Variants in TSHZ2 observed in about 807,000 individuals in gnomAD.
TSHZ2 encodes the protein teashirt zinc finger homeobox 2.
In TSHZ2, 21 loss-of-function variants were observed where a neutral mutation model predicts 74.4. That is an observed-to-expected ratio of 0.28 (90% CI 0.20 to 0.41). TSHZ2 has a LOEUF of 0.41. Among genes scored for constraint, TSHZ2 ranks in the 10% least tolerant of loss-of-function variants. TSHZ2 has a pLI of 1.00. For synonymous variants in TSHZ2, 540 were observed against 515.3 expected, an observed-to-expected ratio of 1.05 and a Z score of -0.65; for missense variants, 1,244 against 1,293.5, an observed-to-expected ratio of 0.96 and a Z score of 0.59.
chr20:53,116,891 T>A (rs112221651), intron 1 of TSHZ2, among the ~76,000 whole-genome samples: 86 of 152,242 alleles, frequency 5.6e-4, no homozygotes, highest in African/African-American at 2.0e-3. Flanking sequence ...AACCAACACT[T>A]GAGCAAGTTT....
chr20:53,188,599 C>A (rs948627767), intron 1 of TSHZ2, among the ~76,000 whole-genome samples: 2 of 152,110 alleles, frequency 1.3e-5, no homozygotes, highest in Non-Finnish European at 1.5e-5. Flanking sequence ...GAATAAATGT[C>A]CACAAGCCTT....
chr20:53,111,872 G>A (rs898724488), intron 1 of TSHZ2, among the ~76,000 whole-genome samples: 14 of 150,282 alleles, frequency 9.3e-5, no homozygotes, highest in African/African-American at 3.2e-4. Flanking sequence ...ACCTGATGCA[G>A]AGCTTACAAT....
intron 1 of TSHZ2, among the ~76,000 whole-genome samples, chr20:53,105,178 C>T (rs949793159): frequency 6.6e-6 from 1 of 152,206 alleles, no homozygotes; most frequent in African/African-American, 2.4e-5. Flanking sequence ...GCCCCAGACC[C>T]GGAACTCATT....
intron 1 of TSHZ2, among the ~76,000 whole-genome samples, chr20:53,229,416 G>A (rs1359274470): frequency 6.6e-6 from 1 of 152,026 alleles, no homozygotes; most frequent in Non-Finnish European, 1.5e-5. Flanking sequence ...ATCAACAATT[G>A]GCCCTCTGTC....
intron 2 of TSHZ2, among the ~76,000 whole-genome samples, chr20:53,352,777 CAAAAA>C (rs869247919): frequency 1.5e-5 from 1 of 65,626 alleles, no homozygotes; most frequent in Admixed American, 1.6e-4. Flanking sequence ...CTGTCTCAAA[CAAAAA>C]AAAAAAAAAA....
At chr20:53,234,668 C>T (rs1363598858) in intron 1 of TSHZ2, among the ~76,000 whole-genome samples, 1 of 152,116 alleles carries the variant, frequency 6.6e-6, no homozygotes, top group East Asian at 1.9e-4. Flanking sequence ...AGGAAAAGTG[C>T]AGAGACAGCA....
chr20:53,311,264 C>T (rs971353180), intron 2 of TSHZ2, among the ~76,000 whole-genome samples: 5 of 152,166 alleles, frequency 3.3e-5, no homozygotes, highest in Non-Finnish European at 1.5e-5. Flanking sequence ...TGTACATTAC[C>T]TTGAACTGTA....
intron 1 of TSHZ2, among the ~76,000 whole-genome samples, chr20:52,994,416 AGATG>A (rs140731085): frequency 0.02 from 2,966 of 150,080 alleles, 89 homozygotes; most frequent in African/African-American, 0.067. Context: ...ATGGATGAGT[AGATG>A]GATGGATGGA....
chr20:53,410,137 G>T (rs1284899870), intron 2 of TSHZ2, among the ~76,000 whole-genome samples: 1 of 152,048 alleles, frequency 6.6e-6, no homozygotes, highest in African/African-American at 2.4e-5. Flanking sequence ...GTAAGCCACC[G>T]TGCCTGGTTT....
At chr20:53,050,258 G>C (rs1984413821) in intron 1 of TSHZ2, among the ~76,000 whole-genome samples, 1 of 150,050 alleles carries the variant, frequency 6.7e-6, no homozygotes, top group African/African-American at 2.5e-5. Context: ...TTTTGTGATT[G>C]GTATATTTAG....
chr20:53,252,346 A>G (rs1223034016), intron 1 of TSHZ2, among the ~76,000 whole-genome samples: 2 of 152,206 alleles, frequency 1.3e-5, no homozygotes, highest in African/African-American at 2.4e-5. Flanking sequence ...TGCCACAGAG[A>G]GAGGAGACAG....
At chr20:52,978,018 A>C (rs888565399) in intron 1 of TSHZ2, among the ~76,000 whole-genome samples, 1 of 152,224 alleles carries the variant, frequency 6.6e-6, no homozygotes, top group Non-Finnish European at 1.5e-5. Context: ...TTAACACCCA[A>C]GAAATACCTC....
At chr20:53,343,499 C>T (rs978666828) in intron 2 of TSHZ2, among the ~76,000 whole-genome samples, 1 of 152,174 alleles carries the variant, frequency 6.6e-6, no homozygotes, top group African/African-American at 2.4e-5. Flanking sequence ...ACTAACATTC[C>T]GGACGACCAA....
chr20:53,035,576 C>G (rs1339339353), intron 1 of TSHZ2, among the ~76,000 whole-genome samples: 1 of 152,078 alleles, frequency 6.6e-6, no homozygotes, highest in African/African-American at 2.4e-5. Flanking sequence ...AATATTATTT[C>G]CCCGTAGGAA....
intron 2 of TSHZ2, among the ~76,000 whole-genome samples, chr20:53,482,654 G>A (rs1307573763): frequency 6.6e-6 from 1 of 152,182 alleles, no homozygotes; most frequent in East Asian, 1.9e-4. Context: ...TGTAATCCCA[G>A]CACTTTGGGA....
At chr20:52,973,466 A>C in intron 1 of TSHZ2, 133 bp downstream of exon 1, 2 of 1,152,760 alleles carry the variant, frequency 1.7e-6, no homozygotes, top group Non-Finnish European at 2.4e-6. Context: ...CCTTCTAATA[A>C]CCCCGTCCTC....
chr20:53,378,382 G>A (rs958752823), intron 2 of TSHZ2, among the ~76,000 whole-genome samples: 4 of 131,368 alleles, frequency 3.0e-5, no homozygotes, highest in South Asian at 2.8e-4. Context: ...AATAATAATA[G>A]AACCTAATGC....
intron 1 of TSHZ2, among the ~76,000 whole-genome samples, chr20:53,189,926 A>G (rs1988686508): frequency 6.7e-6 from 1 of 150,358 alleles, no homozygotes; most frequent in Admixed American, 6.7e-5. Flanking sequence ...TCTACGAAAA[A>G]TACAAAAATT....
chr20:53,480,722 T>A (rs548224963), intron 2 of TSHZ2, among the ~76,000 whole-genome samples: 1 of 151,998 alleles, frequency 6.6e-6, no homozygotes, highest in Non-Finnish European at 1.5e-5. Context: ...CCATAAGACA[T>A]GCCCTAAAAA....
Sources: allele counts gnomAD v4.1 joint callset (sites outside exome capture counted in the v4.1 genomes callset), GRCh38; gene constraint gnomAD v4.1.1; transcripts MANE v1.5; gene names NCBI Gene and HGNC (gene_info 2026-07-23, HGNC 2026-07-21).